Variants in DAZAP1 observed in about 807,000 individuals in gnomAD.
The protein encoded by DAZAP1 is DAZ associated protein 1, also known as DAZ-associated protein 1.
A neutral mutation model predicts 60.1 loss-of-function variants in DAZAP1; 6 were observed. The ratio of observed to expected loss-of-function variants is 0.10; its 90% CI spans 0.05 to 0.20. The LOEUF is 0.20. Ranked by LOEUF, DAZAP1 falls within the 10% of genes least tolerant of loss-of-function variation. The pLI is 1.00. For missense variants in DAZAP1, 366 were observed against 560.4 expected (o/e 0.65, Z 3.50); for synonymous variants, 235 against 215.9 (o/e 1.09, Z -0.78).
intron 1 of DAZAP1, among the ~76,000 whole-genome samples, chr19:1,414,382 T>C (rs908498031): frequency 3.3e-5 from 5 of 152,178 alleles, no homozygotes; most frequent in African/African-American, 1.2e-4. Flanking sequence ...CCCCTTTATG[T>C]GTACACTGAG....
At chr19:1,430,072 G>A in intron 9 of DAZAP1, 76 bp downstream of exon 9, 1 of 1,579,914 alleles carries the variant, frequency 6.3e-7, no homozygotes, top group Non-Finnish European at 8.6e-7. Flanking sequence ...TCCTGGGGCA[G>A]CCGGCAAAGC....
Position 1,426,066 on chromosome 19 carries a change from T to C in DAZAP1, c.546+106T>C. 1.2e-6 allele frequency: 1 copy of C among 867,572 alleles called. No homozygotes were observed. The highest frequency in any genetic ancestry group is 2.5e-5 in the East Asian group (1 of 40,702). 53.7% of individuals were successfully genotyped at this position (867,572 alleles called of 1,614,324 possible). On this transcript the variant is annotated intron_variant, in intron 7 of 11. Coordinates refer to ENST00000233078, the MANE Select transcript of DAZAP1 (RefSeq NM_018959.4). This position sits in a 1 kb window ranked among gnomAD's most constrained non-coding sequence, Gnocchi z 5.4. The stretch of plus-strand genomic sequence containing the variant: ...CCTTCACGGAAAGGGTCGGGCGAGT[T>C]CGTCCTGTGAACCTTTGCTGCGTGA...
At chr19:1,424,847 G>T (rs112879399) in intron 6 of DAZAP1, among the ~76,000 whole-genome samples, 2 of 152,164 alleles carry the variant, frequency 1.3e-5, no homozygotes, top group Non-Finnish European at 2.9e-5. Context: ...GGCTGGTGCC[G>T]CCTGGGCCCC....
Position 1,435,128 on chromosome 19 carries a change from G to A in DAZAP1, c.*216G>A. 5.8e-6 allele frequency: 2 copies of A among 343,708 alleles called. No homozygotes were observed. The highest frequency in any genetic ancestry group is 2.5e-4 in the South Asian group (2 of 8,092). 21.3% of individuals were successfully genotyped at this position (343,708 alleles called of 1,614,324 possible). Reference sequence around the variant, plus strand: ...ATCAGCACAATAAAAAAAAGTCACTGGTTCAACAACAGGGTTTAAAAAAAA... The same window carrying A: ...ATCAGCACAATAAAAAAAAGTCACTAGTTCAACAACAGGGTTTAAAAAAAA... On this transcript the variant is annotated 3_prime_UTR_variant, in exon 12 of 12. Transcript: ENST00000233078.
In DAZAP1 at chr19:1,426,152, G is replaced by C. The variant is rs903764913; in HGVS notation, c.546+192G>C. Among the ~76,000 whole-genome samples, 1 of 152,216 alleles carries C rather than the reference G, an allele frequency of 6.6e-6. No homozygotes were observed. The highest frequency in any genetic ancestry group is 1.9e-4 in the East Asian group (1 of 5,192). On this transcript the variant is annotated intron_variant, in intron 7 of 11. Transcript: ENST00000233078. The surrounding 1 kb of genome is among the most constrained non-coding windows in gnomAD (Gnocchi z 5.4). Reference sequence around the variant, plus strand: ...ATCCTTCCCCAGCACCCTTCCTGCGGGGTGGGGATCTCTCAGCTTTGCTCC... The same window carrying C: ...ATCCTTCCCCAGCACCCTTCCTGCGCGGTGGGGATCTCTCAGCTTTGCTCC...
rs917999058 is a variant in DAZAP1 at position 1,433,510 on chromosome 19, G to A, written c.1048+820G>A. On this transcript the variant is annotated intron_variant, in intron 11 of 11. Coordinates refer to ENST00000233078, the MANE Select transcript of DAZAP1 (RefSeq NM_018959.4). This position sits in a 1 kb window ranked among gnomAD's most constrained non-coding sequence, Gnocchi z 6.1. ...CGGGGTGTGGGAGCTGTGTTCGGCC[G>A]AGGTGCCCGCCCACCCACCTCGCAT... 3.6e-6 allele frequency: 2 copies of A among 560,226 alleles called. No homozygotes were observed. The highest frequency in any genetic ancestry group is 1.9e-5 in the African/African-American group (1 of 52,510). 34.7% of individuals were successfully genotyped at this position (560,226 alleles called of 1,614,324 possible).
intron 2 of DAZAP1, 55 bp downstream of exon 2, chr19:1,417,595 C>T: frequency 3.3e-6 from 5 of 1,515,178 alleles, no homozygotes; most frequent in Non-Finnish European, 4.5e-6. Flanking sequence ...AGGACCTCGG[C>T]CTTCAAGTTG....
In DAZAP1 at chr19:1,422,431, C is replaced by A. The variant is rs767420615; in HGVS notation, c.463+35C>A. 3.1e-6 allele frequency: 5 copies of A among 1,601,824 alleles called. No homozygotes were observed. Among genetic ancestry groups the A allele is most frequent in the Middle Eastern group, 1.7e-4 (1 of 6,022 alleles). On this transcript the variant is annotated intron_variant, in intron 6 of 11. Coordinates refer to ENST00000233078, the MANE Select transcript of DAZAP1 (RefSeq NM_018959.4). The surrounding 1 kb of genome is among the most constrained non-coding windows in gnomAD (Gnocchi z 4.5). ...GATCTAGTTTGACCTCGGCCTTCTC[C>A]CTGCTCCTCCCTCAGATGGCAAACT...
chr19:1,413,771 T>A (rs2082894229), intron 1 of DAZAP1, among the ~76,000 whole-genome samples: 1 of 152,246 alleles, frequency 6.6e-6, no homozygotes. Context: ...TATCTGTTGC[T>A]GTCTCAGATT....
At chr19:1,430,830 C>T (rs1226121536) in intron 10 of DAZAP1, among the ~76,000 whole-genome samples, 1 of 151,356 alleles carries the variant, frequency 6.6e-6, no homozygotes, top group Non-Finnish European at 1.5e-5. Context: ...ACACCATTCT[C>T]CTGCCTCAGT....
chr19:1,426,217 A>AGGGGGC lies in DAZAP1; in HGVS notation c.546+258_546+263dup. ...CTGGGTGACCTGGGACTGGGCGGGT[A>AGGGGGC]GGGGGCTGGGGCTGGGAGGCTGTGG... On this transcript the variant is annotated intron_variant, in intron 7 of 11. Coordinates refer to ENST00000233078, the MANE Select transcript of DAZAP1 (RefSeq NM_018959.4). The surrounding 1 kb of genome is among the most constrained non-coding windows in gnomAD (Gnocchi z 5.4). The AGGGGGC allele has an allele frequency of 2.4e-6, 1 of 425,472 alleles. No homozygotes were observed. The highest frequency in any genetic ancestry group is 2.2e-5 in the South Asian group (1 of 46,040). The allele number at this position is 425,472 out of a possible 1,614,324, so 26.4% of individuals were successfully genotyped here.
chr19:1,414,902 C>T (rs528551299), intron 1 of DAZAP1, among the ~76,000 whole-genome samples: 1 of 151,702 alleles, frequency 6.6e-6, no homozygotes, highest in East Asian at 1.9e-4. Flanking sequence ...CGGCTCACTG[C>T]AGCCTCGACC....
chr19:1,429,607 C>A (rs2144900845), intron 8 of DAZAP1, among the ~76,000 whole-genome samples: 1 of 152,278 alleles, frequency 6.6e-6, no homozygotes, highest in East Asian at 1.9e-4. Flanking sequence ...TGGAGCCTCC[C>A]TTGTTGGAAA....
rs1291394568 is a variant in DAZAP1 at position 1,428,895 on chromosome 19, G to C, written c.600G>C (p.Gln200His). 1.2e-6 allele frequency: 2 copies of C among 1,613,012 alleles called. No individual in the cohort carries two copies. The highest frequency in any genetic ancestry group is 1.7e-6 in the Non-Finnish European group (2 of 1,179,890). The change falls in exon 8 of 12, where the codon CAG becomes CAC. Residue 200 changes from glutamine (Q) to histidine (H), a missense_variant. By Grantham distance (24) the Gln-to-His change is conservative (BLOSUM62 0). Coordinates refer to ENST00000233078, the MANE Select transcript of DAZAP1 (RefSeq NM_018959.4). This position sits in a 1 kb window ranked among gnomAD's most constrained non-coding sequence, Gnocchi z 4.0. ...PRDSKSQAPG[Q>H]PGASQWGSRV... ...ACAGCAAGAGCCAAGCGCCGGGACA[G>C]CCAGGTGCCAGCCAGTGGGGGAGCC... is the stretch of plus-strand genomic sequence containing the variant.
intron 6 of DAZAP1, among the ~76,000 whole-genome samples, chr19:1,424,494 C>G (rs1230025161): frequency 6.6e-6 from 1 of 151,640 alleles, no homozygotes; most frequent in African/African-American, 2.4e-5. Flanking sequence ...GCCCTTTCTG[C>G]CCCGTTTCCA....
rs1259151702 is a variant in DAZAP1, at chr19:1,407,767, C to T, written c.-7C>T. The T allele has an allele frequency of 1.8e-6, 2 of 1,092,100 alleles. No individual in the cohort carries two copies. The highest frequency in any genetic ancestry group is 1.1e-6 in the Non-Finnish European group (1 of 899,640). The allele number at this position is 1,092,100 out of a possible 1,614,324, so 67.7% of individuals were successfully genotyped here. A position where few individuals can be genotyped will look rare whatever the true frequency, so the allele number is the denominator to read the frequency against. ...CGGGAGCGCCGAGCGTCGCCGCCGC[C>T]GCCGCCATGAACAACTCGGGCGCCG... On this transcript the variant is annotated 5_prime_UTR_variant, in exon 1 of 12. Coordinates refer to ENST00000233078, the MANE Select transcript of DAZAP1 (RefSeq NM_018959.4).
At position 1,434,283 on chromosome 19, in the gene DAZAP1, G is replaced by A. The variant is rs964713261; in HGVS notation, c.1049-454G>A. The A allele has an allele frequency of 2.4e-5, 5 of 204,908 alleles. No individual in the cohort carries two copies. Among genetic ancestry groups the A allele is most frequent in the South Asian group, 8.2e-5 (1 of 12,182 alleles). 12.7% of individuals were successfully genotyped at this position (204,908 alleles called of 1,614,324 possible). On this transcript the variant is annotated intron_variant, in intron 11 of 11. Coordinates refer to ENST00000233078, the MANE Select transcript of DAZAP1 (RefSeq NM_018959.4). The surrounding 1 kb of genome is among the most constrained non-coding windows in gnomAD (Gnocchi z 8.0). ...GACGTGCCCTGACAGGAAGGACAAC[G>A]TGGGGTCTGGTCTGCGACGGAGGGG... is the stretch of plus-strand genomic sequence containing the variant.
intron 1 of DAZAP1, among the ~76,000 whole-genome samples, chr19:1,409,301 G>T (rs976012436): frequency 2.6e-5 from 4 of 152,230 alleles, no homozygotes; most frequent in African/African-American, 9.6e-5. Flanking sequence ...GGGGTACCTG[G>T]ATTAGGTCCA....
chr19:1,432,134 G>A lies in DAZAP1; in HGVS notation c.872-380G>A, dbSNP rs1015621059. On this transcript the variant is annotated intron_variant, in intron 10 of 11. Transcript: ENST00000233078. This position sits in a 1 kb window ranked among gnomAD's most constrained non-coding sequence, Gnocchi z 4.9. ...AGCACGTCAGGATGCTCCCTTGCCT[G>A]TGCTGGCAGCTTCCTAAACATGGGG... The A allele has an allele frequency of 1.1e-5, 3 of 267,396 alleles. No homozygotes were observed. Among genetic ancestry groups the A allele is most frequent in the Non-Finnish European group, 2.2e-5 (3 of 137,964 alleles). The allele number at this position is 267,396 out of a possible 1,614,324, so 16.6% of individuals were successfully genotyped here.
Sources: gnomAD v4.1 joint callset for allele counts (sites outside exome capture counted in the v4.1 genomes callset) on GRCh38, gnomAD v4.1.1 for gene constraint, Gnocchi (gnomAD v3.1) non-coding constraint, MANE v1.5 for transcripts, NCBI Gene and HGNC (gene_info 2026-07-23, HGNC 2026-07-21) for gene names.